The following ITGB8 variants were observed in gnomAD, a reference collection of about 807,000 sequenced individuals.
ITGB8 encodes the protein integrin beta-8.
In ITGB8, 30 loss-of-function variants were observed where a neutral mutation model predicts 89.5. That is an observed-to-expected ratio of 0.34 (90% CI 0.25 to 0.45). ITGB8 has a LOEUF of 0.45. ITGB8 is among the 20% of genes least tolerant of loss of function. The pLI, the probability that ITGB8 is intolerant of heterozygous loss-of-function variation, is 1.00. For missense variants in ITGB8, 836 were observed against 933.3 expected, an observed-to-expected ratio of 0.90 and a Z score of 1.36; for synonymous variants, 335 against 320.4, an observed-to-expected ratio of 1.05 and a Z score of -0.49.
chr7:20,404,828 T>C lies in ITGB8; in HGVS notation c.1888T>C (p.Cys630Arg), dbSNP rs568127111. 1.9e-6 allele frequency: 3 copies of C among 1,614,176 alleles called. No individual in the cohort carries two copies. Among genetic ancestry groups the C allele is most frequent in the Admixed American group, 3.3e-5 (2 of 60,028 alleles). ...IGRFCEHCPT[C>R]YTACKENWNC... ...CCGCTTCTGTGAACACTGCCCCACC[T>C]GTTATACAGCCTGCAAGGAAAACTG... is the stretch of plus-strand genomic sequence containing the variant. The change falls in exon 11 of 14, where the codon TGT becomes CGT. Residue 630 changes from cysteine to arginine, a missense_variant. Physicochemically the swap from Cys to Arg is radical, Grantham distance 180. This residue lies in a region of ITGB8 where 422 missense variants were observed against 416.9 expected (regional missense o/e 1.01). Coordinates refer to ENST00000222573, the MANE Select transcript of ITGB8 (RefSeq NM_002214.3).
intron 6 of ITGB8, among the ~76,000 whole-genome samples, chr7:20,384,904 G>A (rs1583518605): frequency 1.3e-5 from 2 of 150,706 alleles, no homozygotes; most frequent in South Asian, 2.1e-4. Context: ...ATTTTCCACT[G>A]CTTTTTCATC....
chr7:20,342,824 G>A (rs1408213107), intron 1 of ITGB8, among the ~76,000 whole-genome samples: 1 of 152,186 alleles, frequency 6.6e-6, no homozygotes, highest in African/African-American at 2.4e-5. Flanking sequence ...CACAAAGTTT[G>A]GAGTTTGGTT....
intron 3 of ITGB8, chr7:20,377,242 G>A (rs1786189237): frequency 1.3e-5 from 2 of 152,174 alleles, no homozygotes; most frequent in African/African-American, 4.8e-5. Context: ...TTTATCTTTA[G>A]ACAGAGCCAC....
At position 20,409,727 on chromosome 7, in the gene ITGB8, T is replaced by G. The variant is rs143176145; in HGVS notation, c.2136T>G (p.Asn712Lys). ...TTAGACAGGTGATACTACAATGGAA[T>G]AGTAATAAAATTAAGTCCTCATCAG... ...LIIRQVILQWNSNKIKSSSDY... is the reference protein window; with the variant it reads ...LIIRQVILQWKSNKIKSSSDY... The change falls in exon 13 of 14, where the codon AAT becomes AAG. Residue 712 changes from asparagine (N) to lysine (K), a missense_variant. Asn to Lys is a moderately conservative substitution (Grantham distance 94, BLOSUM62 0). Coordinates refer to ENST00000222573, the MANE Select transcript of ITGB8 (RefSeq NM_002214.3). 2.5e-6 allele frequency: 4 copies of G among 1,612,270 alleles called. No individual in the cohort carries two copies. In the African/African-American group the frequency reaches 5.3e-5, roughly 22 times the overall value.
chr7:20,377,574 G>T (rs369899059), intron 3 of ITGB8, among the ~76,000 whole-genome samples: 3 of 152,282 alleles, frequency 2.0e-5, no homozygotes, highest in East Asian at 1.9e-4. Context: ...ACTGCCACAG[G>T]AACAGTTCTT....
intron 6 of ITGB8, among the ~76,000 whole-genome samples, chr7:20,388,052 G>T (rs1402657663): frequency 2.0e-5 from 3 of 152,076 alleles, no homozygotes; most frequent in African/African-American, 7.2e-5. Context: ...AATCTTAAAT[G>T]CTTTTTTATC....
chr7:20,390,291 G>C (rs927244469), intron 6 of ITGB8, among the ~76,000 whole-genome samples: 2 of 152,144 alleles, frequency 1.3e-5, no homozygotes, highest in African/African-American at 4.8e-5. Context: ...TGAATGAGGA[G>C]AGACTACTGC....
chr7:20,380,786 A>C lies in ITGB8; in HGVS notation c.756A>C (p.Thr252=). 1.2e-6 allele frequency: 2 copies of C among 1,613,772 alleles called. No homozygotes were observed. The highest frequency in any genetic ancestry group is 4.5e-5 in the East Asian group (2 of 44,872). The change falls in exon 5 of 14, where the codon ACA becomes ACC. Residue 252 remains threonine (T), a synonymous_variant. Coordinates refer to ENST00000222573, the MANE Select transcript of ITGB8 (RefSeq NM_002214.3). ...HRQKISGNID[T]PEGGFDAMLQ... is the part of the protein sequence containing the mutation. Reference sequence around the variant, plus strand: ...AGAAGATCTCTGGAAACATAGATACACCAGAAGGAGGTTTTGACGCCATGC... The same window carrying C: ...AGAAGATCTCTGGAAACATAGATACCCCAGAAGGAGGTTTTGACGCCATGC...
At chr7:20,330,088 A>C (rs953077045), upstream of ITGB8, among the ~76,000 whole-genome samples, 9 of 152,164 alleles carry the variant, frequency 5.9e-5, no homozygotes, top group African/African-American at 2.2e-4. Context: ...ACCCACTGTA[A>C]CTTGCAAAAG....
intron 9 of ITGB8, among the ~76,000 whole-genome samples, chr7:20,399,373 CAAAGTA>C (rs778188687): frequency 3.3e-5 from 5 of 152,010 alleles, no homozygotes; most frequent in Non-Finnish European, 7.4e-5. Flanking sequence ...CACAAACTCT[CAAAGTA>C]AATGTAAAAT....
chr7:20,342,502 G>C (rs146520942), intron 1 of ITGB8, among the ~76,000 whole-genome samples: 1 of 152,224 alleles, frequency 6.6e-6, no homozygotes, highest in Non-Finnish European at 1.5e-5. Flanking sequence ...AAATGAGTTG[G>C]TTACACAAGA....
Position 20,406,146 on chromosome 7 carries a change from A to C in ITGB8, c.1998A>C (p.Gln666His), listed in dbSNP as rs759576648. 3 of 1,610,728 alleles carry C rather than the reference A, an allele frequency of 1.9e-6. No homozygotes were observed. Among genetic ancestry groups the C allele is most frequent in the Middle Eastern group, 1.7e-4 (1 of 6,056 alleles). Residue 666 changes from glutamine to histidine, a missense_variant, in exon 12 of 14, where the codon CAA becomes CAC. By Grantham distance (24) the Gln-to-His change is conservative. Coordinates refer to ENST00000222573, the MANE Select transcript of ITGB8 (RefSeq NM_002214.3). Reference protein sequence around the residue: ...QCKTSCALMEQQHYVDQTSEC... With the variant: ...QCKTSCALMEHQHYVDQTSEC... ...AAACCTCATGTGCTCTCATGGAACA[A>C]CAGCATTATGTCGACCAAACTTCAG... is the stretch of plus-strand genomic sequence containing the variant.
chr7:20,404,560 C>A, intron 10 of ITGB8, 68 bp from the exon 11 acceptor site: 1 of 1,329,670 alleles, frequency 7.5e-7, no homozygotes, highest in African/African-American at 1.4e-5. Flanking sequence ...TACAGGAATC[C>A]ATGGTTGAAA....
intron 2 of ITGB8, chr7:20,366,789 G>A (rs572230792): frequency 4.7e-6 from 2 of 427,004 alleles, no homozygotes; most frequent in South Asian, 6.6e-5. Context: ...AAGCCAACCA[G>A]AGAAACTTCA....
intron 6 of ITGB8, 130 bp downstream of exon 6, chr7:20,382,015 G>A: frequency 1.4e-6 from 1 of 736,536 alleles, no homozygotes; most frequent in Non-Finnish European, 2.2e-6. Flanking sequence ...GATAAGCCAT[G>A]AGAGAGAATT....
intron 8 of ITGB8, among the ~76,000 whole-genome samples, chr7:20,397,153 A>G (rs1479264185): frequency 6.6e-6 from 1 of 152,098 alleles, no homozygotes; most frequent in Non-Finnish European, 1.5e-5. Context: ...AAACTGGGCA[A>G]AATTTTAAGG....
intron 5 of ITGB8, 199 bp from the exon 6 acceptor site, chr7:20,381,528 A>G: frequency 2.1e-6 from 1 of 481,156 alleles, no homozygotes; most frequent in Admixed American, 3.7e-5. Context: ...GCCAGGAACT[A>G]GTGTGGTCAC....
Position 20,401,918 on chromosome 7 carries a change from G to A in ITGB8, c.1479G>A (p.Gln493=), listed in dbSNP as rs143026332. The A allele has an allele frequency of 5.1e-5, 82 of 1,614,032 alleles. No individual in the cohort carries two copies. The highest frequency in any genetic ancestry group is 6.5e-5 in the Non-Finnish European group (77 of 1,180,004). Residue 493 remains glutamine (Q), a synonymous_variant, in exon 10 of 14, where the codon CAG becomes CAA. Coordinates refer to ENST00000222573, the MANE Select transcript of ITGB8 (RefSeq NM_002214.3). ...DETFLDSKCF[Q]CDENKCHFDE... The stretch of plus-strand genomic sequence containing the variant: ...CTTTTCTAGATTCCAAGTGTTTCCA[G>A]TGTGATGAGAATAAATGTCATTTTG...
chr7:20,404,254 G>A (rs1470611781), intron 10 of ITGB8, among the ~76,000 whole-genome samples: 1 of 152,204 alleles, frequency 6.6e-6, no homozygotes, highest in Non-Finnish European at 1.5e-5. Flanking sequence ...TCAAATACCT[G>A]TATCTTTTCT....
Sources: gnomAD v4.1 joint callset for allele counts (sites outside exome capture counted in the v4.1 genomes callset) on GRCh38, gnomAD v4.1.1 for gene constraint, gnomAD v4.1.1 regional missense constraint, MANE v1.5 for transcripts, NCBI Gene and HGNC (gene_info 2026-07-23, HGNC 2026-07-21) for gene names.